Variants in DAPK1 observed in about 807,000 individuals in gnomAD.
DAPK1 encodes the protein death associated protein kinase 1, also known as death-associated protein kinase 1.
A neutral mutation model predicts 144.9 loss-of-function variants in DAPK1; 56 were observed. That is an observed-to-expected ratio of 0.39 (90% CI 0.31 to 0.48). The LOEUF is 0.48. Among genes scored for constraint, DAPK1 ranks in the 20% least tolerant of loss-of-function variants. DAPK1 has a pLI of 0.95. For synonymous variants in DAPK1, 690 were observed against 749.0 expected (o/e 0.92, Z 1.29); for missense variants, 1,454 against 1,875.4 (o/e 0.78, Z 4.15).
rs558929105 is a variant in DAPK1 at position 87,527,194 on chromosome 9, C to G, written c.62+28055C>G. Among the ~76,000 whole-genome samples, 8 of 143,696 alleles carry G rather than the reference C, an allele frequency of 5.6e-5. No individual in the cohort carries two copies. In the East Asian group the frequency reaches 1.7e-3, roughly 31 times the overall value. The allele number at this position is 143,696 out of a possible 152,430, so 94.3% of individuals were successfully genotyped here. On this transcript the variant is annotated intron_variant, in intron 2 of 25. Coordinates refer to ENST00000408954, the MANE Select transcript of DAPK1 (RefSeq NM_004938.4). ...GTCTCCCAGTGACTGTAAAACCACCCAAGGGTGGCATTGAAGACACTTGCT... is the reference window on the plus strand; with the variant it reads ...GTCTCCCAGTGACTGTAAAACCACCGAAGGGTGGCATTGAAGACACTTGCT...
chr9:87,681,595 C>T lies in DAPK1; in HGVS notation c.2193C>T (p.Phe731=). The part of the protein sequence containing the change: ...PRLSSTNSSR[F]PPSPLASKPT... Reference sequence around the variant, plus strand: ...TGTCTTCCACCAACTCCAGCAGGTTCCCACCTTCACCCCTGGCTTCTAAGC... The same window carrying T: ...TGTCTTCCACCAACTCCAGCAGGTTTCCACCTTCACCCCTGGCTTCTAAGC... Residue 731 remains phenylalanine, a synonymous_variant, in exon 20 of 26, where the codon TTC becomes TTT. Transcript: ENST00000408954. The T allele has an allele frequency of 6.2e-7, 1 of 1,604,352 alleles. No homozygotes were observed. Among genetic ancestry groups the T allele is most frequent in the East Asian group, 2.2e-5 (1 of 44,840 alleles).
At chr9:87,689,172 C>A (rs576176858) in intron 21 of DAPK1, among the ~76,000 whole-genome samples, 4 of 152,004 alleles carry the variant, frequency 2.6e-5, no homozygotes, top group African/African-American at 7.3e-5. Flanking sequence ...GCTATCCCAG[C>A]GCCATTGATT....
At chr9:87,589,840 A>G (rs1398257620) in intron 2 of DAPK1, among the ~76,000 whole-genome samples, 3 of 152,204 alleles carry the variant, frequency 2.0e-5, no homozygotes, top group Non-Finnish European at 4.4e-5. Context: ...TTGAGGACAC[A>G]GCATAAATAC....
intron 18 of DAPK1, among the ~76,000 whole-genome samples, chr9:87,667,097 A>G (rs925672301): frequency 2.6e-5 from 4 of 152,198 alleles, no homozygotes; most frequent in Non-Finnish European, 5.9e-5. Flanking sequence ...CCAGAGTGTA[A>G]TGGAGAACCC....
chr9:87,527,724 GCTT>G (rs1172187151), intron 2 of DAPK1, among the ~76,000 whole-genome samples: 4 of 152,200 alleles, frequency 2.6e-5, no homozygotes, highest in Non-Finnish European at 5.9e-5. Context: ...CAAACACTGA[GCTT>G]CTTTCTGAAC....
At chr9:87,538,506 C>T (rs1401524737) in intron 2 of DAPK1, among the ~76,000 whole-genome samples, 1 of 152,188 alleles carries the variant, frequency 6.6e-6, no homozygotes, top group African/African-American at 2.4e-5. Context: ...TATTTTCTCA[C>T]TTTGAAAGGC....
At chr9:87,590,820 C>A (rs745547081) in intron 2 of DAPK1, among the ~76,000 whole-genome samples, 1 of 152,182 alleles carries the variant, frequency 6.6e-6, no homozygotes, top group Non-Finnish European at 1.5e-5. Flanking sequence ...AACTCCCAGG[C>A]TCAAGGAATT....
rs62576180 is a variant in DAPK1, at chr9:87,590,789, A to G, written c.63-14165A>G. ...TTTTTTATAGAGATGGGGTCTCACT[A>G]TGTTGCCAGGGCTTGTCTTGAACTC... On this transcript the variant is annotated intron_variant, in intron 2 of 25. Coordinates refer to ENST00000408954, the MANE Select transcript of DAPK1 (RefSeq NM_004938.4). Among the ~76,000 whole-genome samples, 89 of 152,128 alleles carry G rather than the reference A, an allele frequency of 5.9e-4. 1 individual carries two copies. Among genetic ancestry groups the G allele is most frequent in the Middle Eastern group, 3.4e-3 (1 of 294 alleles).
chr9:87,658,009 C>G lies in DAPK1; in HGVS notation c.1825-20C>G. 1.0e-6 allele frequency: 1 copy of G among 974,000 alleles called. No individual in the cohort carries two copies. The highest frequency in any genetic ancestry group is 1.7e-6 in the Non-Finnish European group (1 of 602,014). The allele number at this position is 974,000 out of a possible 1,614,324, so 60.3% of individuals were successfully genotyped here. A position where few individuals can be genotyped will look rare whatever the true frequency, so the allele number is the denominator to read the frequency against. Reference sequence around the variant, plus strand: ...ACTGCGTGAGAAGAACGACCTTTGGCCTTTTTTCTCTCTTCCCAGTATGGG... The same window carrying G: ...ACTGCGTGAGAAGAACGACCTTTGGGCTTTTTTCTCTCTTCCCAGTATGGG... On this transcript the variant is annotated intron_variant, in intron 17 of 25. Coordinates refer to ENST00000408954, the MANE Select transcript of DAPK1 (RefSeq NM_004938.4).
intron 14 of DAPK1, among the ~76,000 whole-genome samples, chr9:87,647,867 G>A (rs983922661): frequency 2.6e-5 from 4 of 152,064 alleles, no homozygotes; most frequent in East Asian, 1.9e-4. Flanking sequence ...TTGGCACAAC[G>A]GTGTTATAAA....
intron 19 of DAPK1, among the ~76,000 whole-genome samples, chr9:87,669,166 T>C (rs1246026327): frequency 6.6e-6 from 1 of 152,226 alleles, no homozygotes; most frequent in African/African-American, 2.4e-5. Flanking sequence ...ATCTAGGAAC[T>C]CTGTTTTATG....
intron 20 of DAPK1, among the ~76,000 whole-genome samples, chr9:87,684,938 G>C (rs374512003): frequency 1.6e-4 from 24 of 152,280 alleles, no homozygotes; most frequent in African/African-American, 5.5e-4. Flanking sequence ...ACCAACGTCT[G>C]CTCTCATTAA....
rs1413555821 is a variant in DAPK1 at position 87,580,781 on chromosome 9, T to C, written c.63-24173T>C. Among the ~76,000 whole-genome samples, 5 of 152,222 alleles carry C rather than the reference T, an allele frequency of 3.3e-5. No individual in the cohort carries two copies. The East Asian group carries it at 9.6e-4, about 29-fold the overall frequency. On this transcript the variant is annotated intron_variant, in intron 2 of 25. Coordinates refer to ENST00000408954, the MANE Select transcript of DAPK1 (RefSeq NM_004938.4). ...AAATTGCCCCTGTAAAGAAGACATA[T>C]ACGAGTCTCCCACATAGGACCGAGC...
At chr9:87,626,246 T>C (rs1311099326) in intron 3 of DAPK1, among the ~76,000 whole-genome samples, 1 of 152,144 alleles carries the variant, frequency 6.6e-6, no homozygotes, top group Non-Finnish European at 1.5e-5. Context: ...TGAAACCCTG[T>C]CTCAACTAAA....
intron 3 of DAPK1, among the ~76,000 whole-genome samples, chr9:87,610,066 A>T (rs1175938570): frequency 2.0e-5 from 3 of 152,196 alleles, no homozygotes; most frequent in Admixed American, 2.0e-4. Context: ...ACTATTTGGG[A>T]TCTGCATTAA....
intron 3 of DAPK1, among the ~76,000 whole-genome samples, chr9:87,630,840 C>A (rs1441647988): frequency 6.6e-6 from 1 of 152,172 alleles, no homozygotes; most frequent in African/African-American, 2.4e-5. Context: ...TGTTAAAATG[C>A]AGATTCTGGG....
At chr9:87,574,281 C>A (rs186246928) in intron 2 of DAPK1, among the ~76,000 whole-genome samples, 4 of 152,284 alleles carry the variant, frequency 2.6e-5, no homozygotes, top group Admixed American at 2.6e-4. Flanking sequence ...ATACCAAATG[C>A]CAGATTCTCA....
Position 87,651,529 on chromosome 9 carries a change from C to T in DAPK1, c.1629C>T (p.Asp543=), listed in dbSNP as rs371746705. ...TGATCTCTGGGGTTTGTTTCCAGGA[C>T]GGACACATTGCCCTTCATCTGGCTG... The part of the protein sequence containing the change: ...HGADLNACDK[D]GHIALHLAVR... The change falls in exon 17 of 26, where the codon GAC becomes GAT. Residue 543 remains aspartate, a splice_region_variant and synonymous_variant. Transcript: ENST00000408954. The T allele has an allele frequency of 1.7e-5, 28 of 1,613,924 alleles. No homozygotes were observed. The highest frequency in any genetic ancestry group is 3.3e-5 in the South Asian group (3 of 91,070).
rs1564060332 is a variant in DAPK1, at chr9:87,668,684, T to G, written c.2001+10T>G. On this transcript the variant is annotated intron_variant, in intron 19 of 25. Transcript: ENST00000408954. ...TGCAAGACTTCGAAAGGTGAGAAGT[T>G]CTGTTATAGGTCTGAAGTTCTCTAC... is the stretch of plus-strand genomic sequence containing the variant. 1 of 1,117,908 alleles carries G rather than the reference T, an allele frequency of 8.9e-7. No individual in the cohort carries two copies. 69.2% of individuals were successfully genotyped at this position (1,117,908 alleles called of 1,614,324 possible). A position where few individuals can be genotyped will look rare whatever the true frequency, so the allele number is the denominator to read the frequency against.
Sources: gnomAD v4.1 joint callset for allele counts (sites outside exome capture counted in the v4.1 genomes callset) on GRCh38, gnomAD v4.1.1 for gene constraint, MANE v1.5 for transcripts, NCBI Gene and HGNC (gene_info 2026-07-23, HGNC 2026-07-21) for gene names.